PDHX: variants seen among roughly 807,000 people sequenced by gnomAD.
PDHX encodes pyruvate dehydrogenase complex component X, also known as pyruvate dehydrogenase protein X component, mitochondrial.
Under a neutral mutation model 55.3 loss-of-function variants are expected in PDHX, and 33 were observed. The ratio of observed to expected loss-of-function variants is 0.60; its 90% CI spans 0.45 to 0.80. PDHX has a LOEUF of 0.80. Among genes scored for constraint, PDHX ranks in the 30% least tolerant of loss-of-function variants. The pLI, the probability that PDHX is intolerant of heterozygous loss-of-function variation, is 0.00. For synonymous variants in PDHX, 226 were observed against 219.4 expected (o/e 1.03, Z -0.27); for missense variants, 622 against 619.9 (o/e 1.00, Z -0.04).
chr11:34,993,625 G>A (rs895850067), intron 10 of PDHX, among the ~76,000 whole-genome samples: 4 of 151,842 alleles, frequency 2.6e-5, no homozygotes, highest in African/African-American at 9.7e-5. Flanking sequence ...TTTTCCACTG[G>A]CCTGTTTGTC....
At chr11:34,917,031 C>A (rs1198708411) in intron 1 of PDHX, among the ~76,000 whole-genome samples, 1 of 152,120 alleles carries the variant, frequency 6.6e-6, no homozygotes, top group Non-Finnish European at 1.5e-5. Context: ...CCTAGGCCCC[C>A]TGGTTTGTAT....
chr11:34,980,049 G>A (rs1390495077), intron 8 of PDHX, among the ~76,000 whole-genome samples: 1 of 148,312 alleles, frequency 6.7e-6, no homozygotes, highest in East Asian at 2.0e-4. Context: ...TTACTGATCT[G>A]TTTTAATTTT....
chr11:34,987,662 A>T (rs751700306), intron 9 of PDHX, among the ~76,000 whole-genome samples: 32 of 151,892 alleles, frequency 2.1e-4, no homozygotes, highest in Non-Finnish European at 4.1e-4. Flanking sequence ...CTCTATAGAG[A>T]TATGTTCATT....
chr11:34,947,030 A>G (rs1270970584), intron 2 of PDHX, among the ~76,000 whole-genome samples: 1 of 152,114 alleles, frequency 6.6e-6, no homozygotes, highest in South Asian at 2.1e-4. Context: ...TATGCTTTAT[A>G]TGCTTTATTC....
At chr11:34,935,200 G>T (rs1369751533) in intron 2 of PDHX, among the ~76,000 whole-genome samples, 1 of 151,600 alleles carries the variant, frequency 6.6e-6, no homozygotes, top group Admixed American at 6.6e-5. Flanking sequence ...TTTTTTAAAG[G>T]TTGTGCATAG....
chr11:34,964,036 A>G (rs1399709024), intron 5 of PDHX, among the ~76,000 whole-genome samples: 1 of 152,214 alleles, frequency 6.6e-6, no homozygotes, highest in African/African-American at 2.4e-5. Flanking sequence ...TTGCTCTCTC[A>G]GGGAACCCAG....
chr11:34,959,178 A>T (rs1854966783), intron 4 of PDHX, among the ~76,000 whole-genome samples: 1 of 151,838 alleles, frequency 6.6e-6, no homozygotes, highest in South Asian at 2.1e-4. Context: ...GAGGTATCCT[A>T]TATATATAAT....
intron 9 of PDHX, among the ~76,000 whole-genome samples, chr11:34,991,481 A>G (rs952205817): frequency 6.6e-6 from 1 of 152,222 alleles, no homozygotes; most frequent in African/African-American, 2.4e-5. Context: ...TAAATATAAA[A>G]TTTATTTTTT....
intron 10 of PDHX, among the ~76,000 whole-genome samples, chr11:34,993,071 A>C (rs1353319442): frequency 6.6e-6 from 1 of 152,140 alleles, no homozygotes; most frequent in Non-Finnish European, 1.5e-5. Context: ...GAAAATGCAA[A>C]TTAGTGATGT....
chr11:34,971,161 G>T (rs1202108905), intron 7 of PDHX, among the ~76,000 whole-genome samples: 1 of 151,858 alleles, frequency 6.6e-6, no homozygotes, highest in East Asian at 1.9e-4. Context: ...TTCTTGTTCA[G>T]AATGCATTTA....
At chr11:34,935,087 A>G (rs72912924) in intron 2 of PDHX, among the ~76,000 whole-genome samples, 33,757 of 151,992 alleles carry the variant, frequency 0.22, 4,922 homozygotes, top group Non-Finnish European at 0.34. Context: ...ATCACTTGGC[A>G]GTTGTATAAG....
At chr11:34,978,750 A>G (rs1855438164) in intron 8 of PDHX, among the ~76,000 whole-genome samples, 1 of 152,092 alleles carries the variant, frequency 6.6e-6, no homozygotes, top group Admixed American at 6.6e-5. Context: ...GAATGTGCCT[A>G]GTATGGAGAG....
At chr11:34,928,217 TA>T (rs1854068326) in intron 1 of PDHX, among the ~76,000 whole-genome samples, 1 of 152,104 alleles carries the variant, frequency 6.6e-6, no homozygotes, top group Non-Finnish European at 1.5e-5. Context: ...GTATTTGTCG[TA>T]AATTGGAATC....
At chr11:34,916,957 C>T in intron 1 of PDHX, 142 bp downstream of exon 1, 1 of 884,294 alleles carries the variant, frequency 1.1e-6, no homozygotes, top group South Asian at 1.4e-5. Flanking sequence ...GGTTGGGGTC[C>T]GCCGACTTGG....
chr11:34,932,471 G>A (rs146348760), intron 2 of PDHX, among the ~76,000 whole-genome samples: 2 of 152,224 alleles, frequency 1.3e-5, no homozygotes, highest in African/African-American at 2.4e-5. Context: ...ACTCTTACAC[G>A]TAGAAAAAGA....
intron 5 of PDHX, among the ~76,000 whole-genome samples, chr11:34,964,826 T>TA (rs1855095505): frequency 1.1e-5 from 1 of 91,006 alleles, no homozygotes; most frequent in African/African-American, 3.2e-5. Flanking sequence ...GCTATTAGCA[T>TA]AACTAATATT....
In PDHX at chr11:34,916,824, C is replaced by T. The variant is rs886042781; in HGVS notation, c.160+9C>T. ...CACGCAGTGGCTTCGGGGTGAGTGG[C>T]CGGGGCTCGCTCAGCTTCTCTGTGT... On this transcript the variant is annotated intron_variant, in intron 1 of 10. Transcript: ENST00000227868. The T allele has an allele frequency of 1.3e-6, 2 of 1,561,210 alleles. No individual in the cohort carries two copies. Among genetic ancestry groups the T allele is most frequent in the Non-Finnish European group, 1.7e-6 (2 of 1,152,778 alleles).
At chr11:34,970,355 A>T in intron 7 of PDHX, 69 bp downstream of exon 7, 1 of 1,242,400 alleles carries the variant, frequency 8.0e-7, no homozygotes. Context: ...CCTTTATAAA[A>T]TTATAAAATT....
intron 2 of PDHX, among the ~76,000 whole-genome samples, chr11:34,934,857 G>A (rs1854271285): frequency 6.6e-6 from 1 of 151,824 alleles, no homozygotes; most frequent in African/African-American, 2.4e-5. Flanking sequence ...AGGATTACAG[G>A]CATAAGCCAC....
Sources: allele counts gnomAD v4.1 joint callset (sites outside exome capture counted in the v4.1 genomes callset), GRCh38; gene constraint gnomAD v4.1.1; transcripts MANE v1.5; gene names NCBI Gene and HGNC (gene_info 2026-07-23, HGNC 2026-07-21).